The following GTF2F2 variants were observed in gnomAD, a reference collection of about 807,000 sequenced individuals.
GTF2F2 encodes the protein ATP-dependent helicase GTF2F2.
GTF2F2 carries 23 observed loss-of-function variants against 42.2 expected under a neutral mutation model. The ratio of observed to expected loss-of-function variants is 0.55; its 90% CI spans 0.39 to 0.77. The LOEUF (loss-of-function observed/expected upper bound fraction) is 0.77. Among genes scored for constraint, GTF2F2 ranks in the 30% least tolerant of loss-of-function variants. The pLI is 0.00. For missense variants in GTF2F2, 261 were observed against 287.2 expected (o/e 0.91, Z 0.66); for synonymous variants, 105 against 100.8 (o/e 1.04, Z -0.25).
chr13:45,283,622 G>A lies in GTF2F2; in HGVS notation c.*61G>A. 6.8e-7 allele frequency: 1 copy of A among 1,462,800 alleles called. No homozygotes were observed. Among genetic ancestry groups the A allele is most frequent in the Non-Finnish European group, 9.1e-7 (1 of 1,093,214 alleles). 90.6% of individuals were successfully genotyped at this position (1,462,800 alleles called of 1,614,324 possible). On this transcript the variant is annotated 3_prime_UTR_variant, in exon 8 of 8. Transcript: ENST00000340473. ...GCAGCGATGCTATGCAAAAGGCGCT[G>A]ATACTGGAAGGCTTGAACACCGTAT...
intron 4 of GTF2F2, among the ~76,000 whole-genome samples, chr13:45,202,817 G>A (rs1873259895): frequency 6.6e-6 from 1 of 152,084 alleles, no homozygotes; most frequent in Admixed American, 6.5e-5. Context: ...GCTGGGCATG[G>A]TGGCGCACGC....
chr13:45,173,590 T>C (rs1219407060), intron 4 of GTF2F2, among the ~76,000 whole-genome samples: 1 of 151,318 alleles, frequency 6.6e-6, no homozygotes, highest in East Asian at 1.9e-4. Flanking sequence ...ACTGATCTGT[T>C]CTGCATTTTT....
intron 4 of GTF2F2, among the ~76,000 whole-genome samples, chr13:45,182,447 G>A (rs751158973): frequency 6.6e-5 from 10 of 152,056 alleles, no homozygotes; most frequent in Non-Finnish European, 1.0e-4. Flanking sequence ...CTAAAATAGC[G>A]TTCAAGATGC....
intron 5 of GTF2F2, among the ~76,000 whole-genome samples, chr13:45,234,943 G>A (rs1442014814): frequency 6.6e-6 from 1 of 151,198 alleles, no homozygotes; most frequent in Non-Finnish European, 1.5e-5. Flanking sequence ...TATTCGGGAG[G>A]CCGAGGTGGG....
chr13:45,132,480 A>G lies in GTF2F2; in HGVS notation c.67-4253A>G, dbSNP rs144213088. On this transcript the variant is annotated intron_variant, in intron 1 of 7. Coordinates refer to ENST00000340473, the MANE Select transcript of GTF2F2 (RefSeq NM_004128.3). ...TGTTTTTGCCACATCGGCCTCTTCAATATGGCAGATTTCTAAATCAGAGTG... is the reference window on the plus strand; with the variant it reads ...TGTTTTTGCCACATCGGCCTCTTCAGTATGGCAGATTTCTAAATCAGAGTG... Among the ~76,000 whole-genome samples the G allele has an allele frequency of 4.1e-3, 619 of 151,972 alleles. 8 individuals carry two copies. The highest frequency in any genetic ancestry group is 0.014 in the African/African-American group (594 of 41,468).
chr13:45,265,309 A>G (rs1281276609), intron 6 of GTF2F2, among the ~76,000 whole-genome samples: 1 of 151,926 alleles, frequency 6.6e-6, no homozygotes, highest in Non-Finnish European at 1.5e-5. Context: ...CCCTAACAAT[A>G]CAATCTGTGT....
At chr13:45,170,861 G>A (rs1007463629) in intron 4 of GTF2F2, among the ~76,000 whole-genome samples, 5 of 152,102 alleles carry the variant, frequency 3.3e-5, no homozygotes, top group African/African-American at 1.2e-4. Context: ...TGTAATGAAA[G>A]CCCAGTGAAG....
intron 1 of GTF2F2, among the ~76,000 whole-genome samples, chr13:45,126,601 T>A (rs908948949): frequency 6.6e-6 from 1 of 152,170 alleles, no homozygotes; most frequent in Non-Finnish European, 1.5e-5. Context: ...GTGGGCAGAT[T>A]GATTCATCCC....
rs1323937627 is a variant in GTF2F2, at chr13:45,207,454, A to G, written c.335A>G (p.Gln112Arg). ...CTGTCATTGGAAGGAATAGTGGTAC[A>G]AAGAGCTGAATGCCGACCAGCTGCC... ...DKLSLEGIVV[Q>R]RAECRPAASE... Residue 112 changes from glutamine (Q) to arginine (R), a missense_variant, in exon 5 of 8, where the codon CAA becomes CGA. Transcript: ENST00000340473. 1.9e-6 allele frequency: 3 copies of G among 1,611,486 alleles called. No individual in the cohort carries two copies. The highest frequency in any genetic ancestry group is 1.7e-6 in the Non-Finnish European group (2 of 1,177,634).
intron 5 of GTF2F2, among the ~76,000 whole-genome samples, chr13:45,212,711 A>G (rs936848392): frequency 1.3e-5 from 2 of 151,694 alleles, no homozygotes; most frequent in Non-Finnish European, 2.9e-5. Context: ...GACTACAGGC[A>G]TCCTCCAGCA....
At chr13:45,226,758 G>A (rs775612277) in intron 5 of GTF2F2, among the ~76,000 whole-genome samples, 2 of 152,080 alleles carry the variant, frequency 1.3e-5, no homozygotes, top group Non-Finnish European at 2.9e-5. Flanking sequence ...CAAAAACACA[G>A]CTGTCTATTT....
intron 6 of GTF2F2, among the ~76,000 whole-genome samples, chr13:45,256,705 G>A (rs1330141669): frequency 1.3e-5 from 2 of 152,032 alleles, no homozygotes; most frequent in Non-Finnish European, 2.9e-5. Flanking sequence ...TTATTTATTA[G>A]AAGAGGACAT....
chr13:45,172,173 G>A (rs977250121), intron 4 of GTF2F2, among the ~76,000 whole-genome samples: 1 of 152,188 alleles, frequency 6.6e-6, no homozygotes, highest in African/African-American at 2.4e-5. Flanking sequence ...ACCAACACTT[G>A]TTATTGTCTG....
At chr13:45,126,567 A>G (rs1195419025) in intron 1 of GTF2F2, among the ~76,000 whole-genome samples, 6 of 152,202 alleles carry the variant, frequency 3.9e-5, no homozygotes, top group Non-Finnish European at 8.8e-5. Context: ...CCACTTTCTT[A>G]TGCTGCCCAG....
At chr13:45,189,140 A>G (rs1351578272) in intron 4 of GTF2F2, among the ~76,000 whole-genome samples, 1 of 152,128 alleles carries the variant, frequency 6.6e-6, no homozygotes, top group Non-Finnish European at 1.5e-5. Context: ...CTTACGAGTG[A>G]GAACATGTGG....
rs200478367 is a variant in GTF2F2, at chr13:45,271,120, A to G, written c.630+3744A>G. On this transcript the variant is annotated intron_variant, in intron 7 of 7. Coordinates refer to ENST00000340473, the MANE Select transcript of GTF2F2 (RefSeq NM_004128.3). ...ATCCTGGCTAACACGGTGAAACCCC[A>G]TCTCTACTAAAAATATAAAAAATTA... is the stretch of plus-strand genomic sequence containing the variant. 5.3e-5 allele frequency among the ~76,000 whole-genome samples: 8 copies of G among 152,124 alleles called. No individual in the cohort carries two copies. In the East Asian group the frequency reaches 9.7e-4, roughly 18 times the overall value.
At chr13:45,184,823 C>A (rs915542949) in intron 4 of GTF2F2, among the ~76,000 whole-genome samples, 5 of 151,730 alleles carry the variant, frequency 3.3e-5, no homozygotes, top group African/African-American at 1.2e-4. Flanking sequence ...TTGTTATTTT[C>A]TTTGTTTTTG....
intron 4 of GTF2F2, among the ~76,000 whole-genome samples, chr13:45,177,361 C>G (rs907217780): frequency 6.6e-6 from 1 of 152,066 alleles, no homozygotes; most frequent in African/African-American, 2.4e-5. Flanking sequence ...TTCAGTTACC[C>G]GTGGTCCACT....
At chr13:45,243,234 G>A (rs1875410492) in intron 5 of GTF2F2, among the ~76,000 whole-genome samples, 1 of 152,064 alleles carries the variant, frequency 6.6e-6, no homozygotes. Context: ...GTTCCTCAAC[G>A]CCTGGGCCGC....
Sources: allele counts gnomAD v4.1 joint callset (sites outside exome capture counted in the v4.1 genomes callset), GRCh38; gene constraint gnomAD v4.1.1; transcripts MANE v1.5; gene names NCBI Gene and HGNC (gene_info 2026-07-23, HGNC 2026-07-21).